STIM2: variants seen among roughly 807,000 people sequenced by gnomAD.
The protein encoded by STIM2 is stromal interaction molecule 2.
A neutral mutation model predicts 85.8 loss-of-function variants in STIM2; 31 were observed. The observed-to-expected ratio is 0.36, with a 90% CI of 0.27 to 0.49. STIM2 has a LOEUF of 0.49. Ranked by LOEUF, STIM2 falls within the 20% of genes least tolerant of loss-of-function variation. The pLI, the probability that STIM2 is intolerant of heterozygous loss-of-function variation, is 0.98. For synonymous variants in STIM2, 356 were observed against 331.1 expected, an observed-to-expected ratio of 1.08 and a Z score of -0.82; for missense variants, 841 against 927.6, an observed-to-expected ratio of 0.91 and a Z score of 1.21.
At chr4:26,956,591 A>G (rs952929321) in intron 2 of STIM2, among the ~76,000 whole-genome samples, 3 of 152,132 alleles carry the variant, frequency 2.0e-5, no homozygotes, top group Middle Eastern at 3.4e-3. Context: ...TCAAAGTAAG[A>G]TTAATAGAAG....
At chr4:27,015,608 A>C (rs575989010) in intron 10 of STIM2, among the ~76,000 whole-genome samples, 4 of 152,134 alleles carry the variant, frequency 2.6e-5, no homozygotes, top group African/African-American at 9.6e-5. Flanking sequence ...ATTAGTTTTC[A>C]ATAATTATTT....
chr4:26,933,921 C>T (rs1577447178), intron 2 of STIM2, among the ~76,000 whole-genome samples: 1 of 152,052 alleles, frequency 6.6e-6, no homozygotes, highest in East Asian at 1.9e-4. Flanking sequence ...CGGCTGGGTG[C>T]ATTGGCTCAC....
rs1560194528 is a variant in STIM2 at position 26,885,836 on chromosome 4, T to TAC, written c.151+24468_151+24469insCA. Among the ~76,000 whole-genome samples the TAC allele has an allele frequency of 2.2e-3, 63 of 28,556 alleles. 3 individuals carry two copies. In the East Asian group the frequency reaches 0.066, roughly 30 times the overall value. 18.7% of individuals were successfully genotyped at this position (28,556 alleles called of 152,430 possible). On this transcript the variant is annotated intron_variant, in intron 1 of 11. Coordinates refer to ENST00000467087, the MANE Select transcript of STIM2 (RefSeq NM_020860.4). ...GCACCTCAGGTTATATATATATATA[T>TAC]ATATATATATATATATATATATATA...
chr4:26,970,999 A>G (rs1012704190), intron 3 of STIM2, among the ~76,000 whole-genome samples: 2 of 152,190 alleles, frequency 1.3e-5, no homozygotes, highest in Non-Finnish European at 2.9e-5. Context: ...ACCAGTGATG[A>G]TGAACATTTT....
At chr4:26,993,854 T>G (rs1383710045) in intron 3 of STIM2, among the ~76,000 whole-genome samples, 1 of 152,182 alleles carries the variant, frequency 6.6e-6, no homozygotes, top group Non-Finnish European at 1.5e-5. Flanking sequence ...TTTGCCTGAG[T>G]TCAAATCCAG....
In STIM2 at chr4:27,007,684, C is replaced by T. The variant is rs764121949; in HGVS notation, c.1133C>T (p.Ala378Val). The T allele has an allele frequency of 1.9e-6, 3 of 1,572,750 alleles. No individual in the cohort carries two copies. The highest frequency in any genetic ancestry group is 1.4e-5 in the African/African-American group (1 of 73,188). ...AGACAAAACGCTGAAATGCAGCTAG[C>T]TATTGCTAAAGATGAGGTACTCTCT... The change falls in exon 8 of 12, where the codon GCT (alanine) becomes GTT (valine). Residue 378 changes from alanine to valine, a missense_variant. Physicochemically the swap from Ala to Val is moderately conservative, Grantham distance 64 (BLOSUM62 0). Around this residue, in one of 3 missense-constraint regions of STIM2, gnomAD observed 408 missense variants for 525.4 expected, o/e 0.78. Coordinates refer to ENST00000467087, the MANE Select transcript of STIM2 (RefSeq NM_020860.4).
rs1176721632 is a variant in STIM2, at chr4:27,024,811, G to T, written c.*1815G>T. On this transcript the variant is annotated 3_prime_UTR_variant, in exon 12 of 12. Coordinates refer to ENST00000467087, the MANE Select transcript of STIM2 (RefSeq NM_020860.4). ...AAGGGTTCTGGAGTGTTCATTCAGA[G>T]TGAAGGGAAAACTTTATCCTTCTAT... 1.3e-5 allele frequency: 2 copies of T among 152,238 alleles called. No homozygotes were observed. Among genetic ancestry groups the T allele is most frequent in the Non-Finnish European group, 2.9e-5 (2 of 68,050 alleles). The allele number at this position is 152,238 out of a possible 1,614,324, so 9.4% of individuals were successfully genotyped here. A position where few individuals can be genotyped will look rare whatever the true frequency, so the allele number is the denominator to read the frequency against.
chr4:26,871,348 G>C (rs2109028811), intron 1 of STIM2, among the ~76,000 whole-genome samples: 1 of 152,262 alleles, frequency 6.6e-6, no homozygotes, highest in South Asian at 2.1e-4. Context: ...AGGAAATGAG[G>C]CTGGAGAAGT....
At chr4:26,914,270 A>G (rs913341609) in intron 1 of STIM2, among the ~76,000 whole-genome samples, 3 of 152,228 alleles carry the variant, frequency 2.0e-5, no homozygotes, top group Admixed American at 1.3e-4. Context: ...TAATTTTTAT[A>G]TAAGTATATT....
chr4:26,885,821 TTATATA>T lies in STIM2; in HGVS notation c.151+24500_151+24505del, dbSNP rs56851120. Among the ~76,000 whole-genome samples the T allele has an allele frequency of 5.9e-3, 500 of 84,260 alleles. 3 individuals carry two copies. Among genetic ancestry groups the T allele is most frequent in the African/African-American group, 9.1e-3 (251 of 27,708 alleles). 55.3% of individuals were successfully genotyped at this position (84,260 alleles called of 152,430 possible). ...ATGAAGCCAAATTTAGCACCTCAGGTTATATATATATATATATATATATATATATAT... is the reference window on the plus strand; with the variant it reads ...ATGAAGCCAAATTTAGCACCTCAGGTTATATATATATATATATATATATAT... On this transcript the variant is annotated intron_variant, in intron 1 of 11. Coordinates refer to ENST00000467087, the MANE Select transcript of STIM2 (RefSeq NM_020860.4).
chr4:27,018,469 T>A (rs1454763553), intron 11 of STIM2, among the ~76,000 whole-genome samples: 1 of 152,218 alleles, frequency 6.6e-6, no homozygotes, highest in Non-Finnish European at 1.5e-5. Flanking sequence ...CCAACTTCCG[T>A]CTCTCTGATC....
At position 26,878,280 on chromosome 4, in the gene STIM2, T is replaced by A. The variant is rs57189010; in HGVS notation, c.151+16911T>A. On this transcript the variant is annotated intron_variant, in intron 1 of 11. Coordinates refer to ENST00000467087, the MANE Select transcript of STIM2 (RefSeq NM_020860.4). ...CTTGAGAGTAGAACCTTTTCGGTCG[T>A]CCCTTCTCCCCCTAATCTTTCCCCT... is the stretch of plus-strand genomic sequence containing the variant. Among the ~76,000 whole-genome samples the A allele has an allele frequency of 3.8e-3, 584 of 152,262 alleles. 6 individuals carry two copies. The highest frequency in any genetic ancestry group is 0.013 in the African/African-American group (550 of 41,542).
chr4:26,987,704 T>C (rs1390903672), intron 3 of STIM2, among the ~76,000 whole-genome samples: 1 of 152,226 alleles, frequency 6.6e-6, no homozygotes, highest in Non-Finnish European at 1.5e-5. Context: ...ATTGAGCTTT[T>C]CTGTTACTCC....
chr4:26,971,749 A>G (rs2109104988), intron 3 of STIM2, among the ~76,000 whole-genome samples: 1 of 152,174 alleles, frequency 6.6e-6, no homozygotes. Flanking sequence ...TTCCATATGA[A>G]CAGTAGTTTT....
chr4:26,989,269 A>G (rs1727682597), intron 3 of STIM2, among the ~76,000 whole-genome samples: 1 of 152,192 alleles, frequency 6.6e-6, no homozygotes, highest in African/African-American at 2.4e-5. Flanking sequence ...GTCTAGATCA[A>G]TTTTATTATT....
chr4:27,015,556 T>C (rs1207931750), intron 10 of STIM2, among the ~76,000 whole-genome samples: 1 of 152,064 alleles, frequency 6.6e-6, no homozygotes, highest in Non-Finnish European at 1.5e-5. Context: ...CAGTCTCACT[T>C]GAAAGTAATA....
At chr4:26,871,622 C>A (rs149090671) in intron 1 of STIM2, among the ~76,000 whole-genome samples, 426 of 151,328 alleles carry the variant, frequency 2.8e-3, no homozygotes, top group African/African-American at 9.7e-3. Flanking sequence ...TTCATAAATA[C>A]AAGGATGACG....
intron 3 of STIM2, among the ~76,000 whole-genome samples, chr4:26,969,098 G>A (rs994243011): frequency 6.6e-6 from 1 of 152,178 alleles, no homozygotes; most frequent in African/African-American, 2.4e-5. Flanking sequence ...AATAATGTAA[G>A]CTCAGAAAGG....
chr4:26,866,928 C>T (rs945631429), intron 1 of STIM2, among the ~76,000 whole-genome samples: 3 of 152,046 alleles, frequency 2.0e-5, no homozygotes, highest in Admixed American at 6.5e-5. Flanking sequence ...CTTGAAGTTG[C>T]AAATCTATAT....
Sources: allele counts gnomAD v4.1 joint callset (sites outside exome capture counted in the v4.1 genomes callset), GRCh38; gene constraint gnomAD v4.1.1; regional missense constraint gnomAD v4.1.1; transcripts MANE v1.5; gene names NCBI Gene and HGNC (gene_info 2026-07-23, HGNC 2026-07-21).